The following FGF18 variants were observed in gnomAD, a reference collection of about 807,000 sequenced individuals.
The protein encoded by FGF18 is fibroblast growth factor 18.
In FGF18, 5 loss-of-function variants were observed where a neutral mutation model predicts 23.0. The observed-to-expected ratio is 0.22, with a 90% CI of 0.11 to 0.46. FGF18 has a LOEUF of 0.46. FGF18 is among the 20% of genes least tolerant of loss of function. FGF18 has a pLI of 0.99. For missense variants in FGF18, 180 were observed against 291.6 expected (o/e 0.62, Z 2.79); for synonymous variants, 117 against 118.9 (o/e 0.98, Z 0.10).
chr5:171,451,187 C>T lies in FGF18; in HGVS notation c.357+1934C>T, dbSNP rs1001236279. Among the ~76,000 whole-genome samples, 1 of 151,952 alleles carries T rather than the reference C, an allele frequency of 6.6e-6. No homozygotes were observed. The highest frequency in any genetic ancestry group is 1.5e-5 in the Non-Finnish European group (1 of 67,946). Reference sequence around the variant, plus strand: ...AATATTGGTGACGGTTCAGCTGGCGCGGCGCACCCTGGCGCAGCGGAGGGA... The same window carrying T: ...AATATTGGTGACGGTTCAGCTGGCGTGGCGCACCCTGGCGCAGCGGAGGGA... On this transcript the variant is annotated intron_variant, in intron 4 of 4. Transcript: ENST00000274625. This position sits in a 1 kb window ranked among gnomAD's most constrained non-coding sequence, Gnocchi z 4.5.
intron 3 of FGF18, among the ~76,000 whole-genome samples, chr5:171,442,252 G>A (rs1036619364): frequency 2.6e-5 from 4 of 152,206 alleles, no homozygotes; most frequent in African/African-American, 9.6e-5. Context: ...ATATACAGCA[G>A]AGTGTGTGTG....
At chr5:171,444,594 G>A (rs1772391270) in intron 3 of FGF18, among the ~76,000 whole-genome samples, 1 of 151,614 alleles carries the variant, frequency 6.6e-6, no homozygotes, top group African/African-American at 2.4e-5. Flanking sequence ...CTGTGTCACT[G>A]AGGCTGGGGA....
intron 3 of FGF18, among the ~76,000 whole-genome samples, chr5:171,444,650 G>T (rs927294191): frequency 2.0e-5 from 3 of 152,068 alleles, no homozygotes; most frequent in Non-Finnish European, 4.4e-5. Context: ...ACCGAGAGTC[G>T]CACCAGGAAG....
At chr5:171,449,531 GTC>G (rs760200784) in intron 4 of FGF18, among the ~76,000 whole-genome samples, 28 of 152,132 alleles carry the variant, frequency 1.8e-4, no homozygotes, top group Admixed American at 1.2e-3. Flanking sequence ...CCATGGCTGT[GTC>G]TCTCCTGTTG....
rs967453728 is a variant in FGF18 at position 171,436,635 on chromosome 5, G to A, written c.250+362G>A. ...AGCCACTTCAAGGGGCAGGAGCCTC[G>A]AGGTGATGCTTTTAGGAAGCTGCTG... On this transcript the variant is annotated intron_variant, in intron 3 of 4. Coordinates refer to ENST00000274625, the MANE Select transcript of FGF18 (RefSeq NM_003862.3). This position sits in a 1 kb window ranked among gnomAD's most constrained non-coding sequence, Gnocchi z 4.4. 1.3e-5 allele frequency among the ~76,000 whole-genome samples: 2 copies of A among 152,288 alleles called. No individual in the cohort carries two copies. Among genetic ancestry groups the A allele is most frequent in the Non-Finnish European group, 1.5e-5 (1 of 68,028 alleles).
At chr5:171,426,421 T>C (rs1772089865) in intron 2 of FGF18, among the ~76,000 whole-genome samples, 1 of 152,196 alleles carries the variant, frequency 6.6e-6, no homozygotes, top group East Asian at 1.9e-4. Flanking sequence ...CCCATGGCAG[T>C]GCATGGAGGG....
intron 2 of FGF18, among the ~76,000 whole-genome samples, chr5:171,431,221 C>T (rs1036305219): frequency 1.3e-5 from 2 of 152,116 alleles, no homozygotes; most frequent in African/African-American, 4.8e-5. Flanking sequence ...TGGGGGCTCA[C>T]CTCAACCTCT....
chr5:171,444,667 A>G (rs1272008644), intron 3 of FGF18, among the ~76,000 whole-genome samples: 1 of 152,042 alleles, frequency 6.6e-6, no homozygotes, highest in African/African-American at 2.4e-5. Context: ...GAAGGCGCAC[A>G]GTGGTGAAGG....
At chr5:171,426,729 T>A (rs1291820020) in intron 2 of FGF18, among the ~76,000 whole-genome samples, 2 of 152,220 alleles carry the variant, frequency 1.3e-5, no homozygotes. Flanking sequence ...GAGCTTTGAT[T>A]TACCCGCCTG....
At position 171,440,059 on chromosome 5, in the gene FGF18, C is replaced by T. The variant is rs1772318234; in HGVS notation, c.250+3786C>T. The stretch of plus-strand genomic sequence containing the variant: ...GAATCTAATGGGATTTGAATCTCGG[C>T]TCCACCACTTTCGAGTGGGAGACCG... On this transcript the variant is annotated intron_variant, in intron 3 of 4. Coordinates refer to ENST00000274625, the MANE Select transcript of FGF18 (RefSeq NM_003862.3). This position sits in a 1 kb window ranked among gnomAD's most constrained non-coding sequence, Gnocchi z 4.0. Among the ~76,000 whole-genome samples, 1 of 152,202 alleles carries T rather than the reference C, an allele frequency of 6.6e-6. No individual in the cohort carries two copies. The highest frequency in any genetic ancestry group is 2.4e-5 in the African/African-American group (1 of 41,444).
At position 171,423,712 on chromosome 5, in the gene FGF18, A is replaced by C. The variant is rs1352885329; in HGVS notation, c.69+3269A>C. On this transcript the variant is annotated intron_variant, in intron 2 of 4. Coordinates refer to ENST00000274625, the MANE Select transcript of FGF18 (RefSeq NM_003862.3). Reference sequence around the variant, plus strand: ...TTTCTTTAAGCTGGTTAGGATGGGGAAGCTGGAGACAGTGTCCTTTGGTGC... The same window carrying C: ...TTTCTTTAAGCTGGTTAGGATGGGGCAGCTGGAGACAGTGTCCTTTGGTGC... Among the ~76,000 whole-genome samples the C allele has an allele frequency of 2.0e-5, 3 of 151,428 alleles. No individual in the cohort carries two copies. In the East Asian group the frequency reaches 5.8e-4, roughly 29 times the overall value.
At chr5:171,422,362 G>C (rs562816187) in intron 2 of FGF18, among the ~76,000 whole-genome samples, 1 of 152,194 alleles carries the variant, frequency 6.6e-6, no homozygotes, top group African/African-American at 2.4e-5. Context: ...TGTCCCCACC[G>C]GCCTTTCTGC....
chr5:171,432,098 T>C (rs896866691), intron 2 of FGF18, among the ~76,000 whole-genome samples: 1 of 152,156 alleles, frequency 6.6e-6, no homozygotes, highest in East Asian at 1.9e-4. Context: ...AACCGCAGCT[T>C]TTCAACACCC....
At chr5:171,425,676 A>G (rs987257934) in intron 2 of FGF18, among the ~76,000 whole-genome samples, 3 of 151,710 alleles carry the variant, frequency 2.0e-5, no homozygotes, top group African/African-American at 7.3e-5. Flanking sequence ...GACTACAGGC[A>G]CGAGCCACCA....
chr5:171,423,102 C>T (rs150012206), intron 2 of FGF18, among the ~76,000 whole-genome samples: 98 of 152,258 alleles, frequency 6.4e-4, no homozygotes, highest in Admixed American at 3.3e-3. Flanking sequence ...TCCTGTCCAT[C>T]GCTACCGGGC....
intron 2 of FGF18, among the ~76,000 whole-genome samples, chr5:171,430,794 CAAAAAAAA>C (rs566577499): frequency 1.7e-4 from 9 of 53,846 alleles, no homozygotes; most frequent in South Asian, 5.9e-4. Flanking sequence ...GACTCCGTCT[CAAAAAAAA>C]AAAAAAAAAA....
chr5:171,454,924 C>A (rs551566982), intron 4 of FGF18, among the ~76,000 whole-genome samples: 1 of 152,370 alleles, frequency 6.6e-6, no homozygotes, highest in East Asian at 1.9e-4. Flanking sequence ...CTCCTCACCA[C>A]CCCCTGTCCA....
chr5:171,439,461 AC>A (rs1772302273), intron 3 of FGF18, among the ~76,000 whole-genome samples: 1 of 152,156 alleles, frequency 6.6e-6, no homozygotes, highest in Non-Finnish European at 1.5e-5. Flanking sequence ...CACCCTGCCC[AC>A]CTGGGATAAT....
chr5:171,453,079 C>T (rs1381140939), intron 4 of FGF18, among the ~76,000 whole-genome samples: 1 of 152,152 alleles, frequency 6.6e-6, no homozygotes, highest in Non-Finnish European at 1.5e-5. Context: ...TATTCACTTA[C>T]TCTCTACATA....
Sources: allele counts gnomAD v4.1 joint callset (sites outside exome capture counted in the v4.1 genomes callset), GRCh38; gene constraint gnomAD v4.1.1; non-coding constraint Gnocchi (gnomAD v3.1); transcripts MANE v1.5; gene names NCBI Gene and HGNC (gene_info 2026-07-23, HGNC 2026-07-21).